The following AFAP1L2 variants were observed in gnomAD, a reference collection of about 807,000 sequenced individuals.
The protein encoded by AFAP1L2 is actin filament-associated protein 1-like 2.
A neutral mutation model predicts 99.3 loss-of-function variants in AFAP1L2; 46 were observed. The observed-to-expected ratio is 0.46, with a 90% CI of 0.37 to 0.59. The LOEUF (loss-of-function observed/expected upper bound fraction) is 0.59, where lower values mean the gene tolerates loss of function less well. Among genes scored for constraint, AFAP1L2 ranks in the 20% least tolerant of loss-of-function variants. The probability of loss-of-function intolerance (pLI) is 0.00; values close to 1 mark genes in which losing one functional copy is unlikely to be tolerated. For missense variants in AFAP1L2, 959 were observed against 1,034.9 expected (o/e 0.93, Z 1.01); for synonymous variants, 397 against 419.1 (o/e 0.95, Z 0.64).
intron 7 of AFAP1L2, among the ~76,000 whole-genome samples, chr10:114,310,650 G>C (rs1214394206): frequency 6.6e-6 from 1 of 152,236 alleles, no homozygotes; most frequent in Non-Finnish European, 1.5e-5. Flanking sequence ...AGTGGGGAGG[G>C]CTCGTTGTTT....
At chr10:114,350,843 G>C (rs1373682365) in intron 1 of AFAP1L2, among the ~76,000 whole-genome samples, 2 of 152,208 alleles carry the variant, frequency 1.3e-5, no homozygotes, top group Non-Finnish European at 2.9e-5. Context: ...GAGGGCACGT[G>C]AGGGCAGACT....
At chr10:114,319,918 G>C (rs997088374) in intron 5 of AFAP1L2, among the ~76,000 whole-genome samples, 2 of 152,198 alleles carry the variant, frequency 1.3e-5, no homozygotes, top group Non-Finnish European at 2.9e-5. Context: ...CAGAAGTGAT[G>C]TGCGTGACTT....
the AFAP1L2 span, chr10:114,281,867 G>T: frequency 2.1e-6 from 1 of 484,230 alleles, no homozygotes; most frequent in Non-Finnish European, 2.7e-6. Context: ...TGGTCACACA[G>T]CCAAAATCCA....
chr10:114,339,865 G>A (rs1005702090), intron 2 of AFAP1L2, among the ~76,000 whole-genome samples: 8 of 151,818 alleles, frequency 5.3e-5, no homozygotes, highest in Admixed American at 1.3e-4. Context: ...TACACAATTA[G>A]CTGGGCATGG....
intron 1 of AFAP1L2, among the ~76,000 whole-genome samples, chr10:114,349,555 GAAAAAAAAAA>G (rs200302338): frequency 8.1e-6 from 1 of 123,782 alleles, no homozygotes; most frequent in African/African-American, 3.2e-5. Context: ...TTGTCGCTTG[GAAAAAAAAAA>G]AAAAAAAAGA....
At position 114,313,400 on chromosome 10, in the gene AFAP1L2, G is replaced by A. The variant is rs371848861; in HGVS notation, c.792+471C>T. On this transcript the variant is annotated intron_variant, in intron 7 of 18. Transcript: ENST00000304129. ...GCACAGCACTGTGTAGACGGGCCTC[G>A]GTCTGAGAACCAATGCTGCCACCAC... Among the ~76,000 whole-genome samples, 278 of 152,208 alleles carry A rather than the reference G, an allele frequency of 1.8e-3. 10 individuals carry two copies. The South Asian group carries it at 0.055, about 30-fold the overall frequency.
intron 2 of AFAP1L2, among the ~76,000 whole-genome samples, chr10:114,335,054 C>T (rs748646919): frequency 6.6e-6 from 1 of 152,142 alleles, no homozygotes; most frequent in African/African-American, 2.4e-5. Context: ...AAAGGCTCAA[C>T]AATAGGAAAA....
intron 2 of AFAP1L2, among the ~76,000 whole-genome samples, chr10:114,337,294 A>G (rs1433940068): frequency 6.6e-6 from 1 of 152,248 alleles, no homozygotes; most frequent in Admixed American, 6.5e-5. Context: ...AAGGGAATAC[A>G]CTTTGGGATA....
chr10:114,368,081 G>A (rs1328031678), intron 1 of AFAP1L2, among the ~76,000 whole-genome samples: 2 of 152,158 alleles, frequency 1.3e-5, no homozygotes, highest in East Asian at 3.9e-4. Context: ...GCAGATGGAT[G>A]GATAAAGAAA....
chr10:114,294,682 T>TTATC (rs757000309), downstream of AFAP1L2: 1 of 416,590 alleles, frequency 2.4e-6, no homozygotes, highest in Non-Finnish European at 3.2e-6. Flanking sequence ...GCTTTCAGCC[T>TTATC]TATCTATGCT....
chr10:114,282,975 G>A, the AFAP1L2 span, among the ~76,000 whole-genome samples: 1 of 152,196 alleles, frequency 6.6e-6, no homozygotes, highest in African/African-American at 2.4e-5. Flanking sequence ...GGGGGTCATC[G>A]TATATGAGGT....
intron 1 of AFAP1L2, among the ~76,000 whole-genome samples, chr10:114,380,617 A>T (rs1303290113): frequency 1.3e-5 from 2 of 152,224 alleles, no homozygotes; most frequent in Non-Finnish European, 2.9e-5. Context: ...GGAACATATC[A>T]TAAAGCCACA....
At chr10:114,315,124 G>C (rs1421749377) in intron 6 of AFAP1L2, among the ~76,000 whole-genome samples, 1 of 152,132 alleles carries the variant, frequency 6.6e-6, no homozygotes, top group Non-Finnish European at 1.5e-5. Context: ...CTGGGCGACA[G>C]AGCAAGACTC....
chr10:114,291,359 C>A, downstream of AFAP1L2: 1 of 1,213,582 alleles, frequency 8.2e-7, no homozygotes, highest in South Asian at 1.6e-5. Context: ...CTTAGAATGT[C>A]TGCTTCCCGC....
At chr10:114,378,797 C>T (rs2055162918) in intron 1 of AFAP1L2, among the ~76,000 whole-genome samples, 1 of 152,222 alleles carries the variant, frequency 6.6e-6, no homozygotes, top group African/African-American at 2.4e-5. Flanking sequence ...TTGTTCCAGG[C>T]CATGCACCAG....
At chr10:114,288,298 C>T in the AFAP1L2 span, among the ~76,000 whole-genome samples, 5 of 152,362 alleles carry the variant, frequency 3.3e-5, no homozygotes, top group East Asian at 7.7e-4. Context: ...TTTCCCTCCA[C>T]GCTGCCGACA....
chr10:114,382,396 G>T (rs2055763732), intron 1 of AFAP1L2, among the ~76,000 whole-genome samples: 1 of 152,138 alleles, frequency 6.6e-6, no homozygotes, highest in Admixed American at 6.5e-5. Context: ...ACATGTGAGA[G>T]CTAAAAAAGT....
chr10:114,402,356 T>C (rs1159246118), intron 1 of AFAP1L2, among the ~76,000 whole-genome samples: 8 of 152,208 alleles, frequency 5.3e-5, no homozygotes, highest in Admixed American at 2.6e-4. Flanking sequence ...GGGAATTCTA[T>C]ATCCTGGGGC....
intron 9 of AFAP1L2, 81 bp downstream of exon 9, chr10:114,308,352 G>T: frequency 7.8e-7 from 1 of 1,288,394 alleles, no homozygotes; most frequent in Non-Finnish European, 1.1e-6. Context: ...AGAATCCGCT[G>T]CTAAAACCCA....
Sources: allele counts gnomAD v4.1 joint callset (sites outside exome capture counted in the v4.1 genomes callset), GRCh38; gene constraint gnomAD v4.1.1; transcripts MANE v1.5; gene names NCBI Gene and HGNC (gene_info 2026-07-23, HGNC 2026-07-21).